ANKRD33B: variants seen among roughly 807,000 people sequenced by gnomAD.
ANKRD33B encodes ankyrin repeat domain 33B, also known as ankyrin repeat domain-containing protein 33B.
A neutral mutation model predicts 21.5 loss-of-function variants in ANKRD33B; 6 were observed. That is an observed-to-expected ratio of 0.28 (90% CI 0.15 to 0.55). ANKRD33B has a LOEUF of 0.55. Among genes scored for constraint, ANKRD33B ranks in the 20% least tolerant of loss-of-function variants. ANKRD33B has a pLI of 0.94. For missense variants in ANKRD33B, 698 were observed against 747.2 expected, an observed-to-expected ratio of 0.93 and a Z score of 0.77; for synonymous variants, 347 against 342.4, an observed-to-expected ratio of 1.01 and a Z score of -0.15.
Position 10,649,476 on chromosome 5 carries a change from T to C in ANKRD33B, c.848T>C (p.Leu283Pro). The C allele has an allele frequency of 1.3e-6, 2 of 1,535,212 alleles. No individual in the cohort carries two copies. The highest frequency in any genetic ancestry group is 1.7e-6 in the Non-Finnish European group (2 of 1,146,410). Residue 283 changes from leucine (L) to proline (P), a missense_variant, in exon 4 of 4, where the codon CTC (leucine) becomes CCC (proline). This residue lies in a region of ANKRD33B where 543 missense variants were observed against 566.5 expected (regional missense o/e 0.96). Coordinates refer to ENST00000296657, the MANE Select transcript of ANKRD33B (RefSeq NM_001164440.2). ...PAGSKNCLQR[L>P]TDCVLSVLTP... ...GGCTCCAAGAACTGCCTGCAGAGGCTCACAGACTGCGTGCTGTCCGTGCTG... is the reference window on the plus strand; with the variant it reads ...GGCTCCAAGAACTGCCTGCAGAGGCCCACAGACTGCGTGCTGTCCGTGCTG...
chr5:10,617,731 C>T (rs897051272), intron 1 of ANKRD33B, among the ~76,000 whole-genome samples: 2 of 152,192 alleles, frequency 1.3e-5, no homozygotes, highest in Non-Finnish European at 2.9e-5. Flanking sequence ...CCTCCTGGAC[C>T]CGGGTTACTC....
intron 1 of ANKRD33B, among the ~76,000 whole-genome samples, chr5:10,608,798 A>T (rs1358272427): frequency 6.6e-6 from 1 of 152,244 alleles, no homozygotes; most frequent in East Asian, 1.9e-4. Flanking sequence ...GACTGCATCG[A>T]AACGTAAAAC....
At chr5:10,566,606 T>A (rs147723880) in intron 1 of ANKRD33B, among the ~76,000 whole-genome samples, 1 of 152,196 alleles carries the variant, frequency 6.6e-6, no homozygotes, top group East Asian at 1.9e-4. Context: ...CTTTATATAA[T>A]GTTTCCTTTA....
chr5:10,598,809 T>G (rs925492873), intron 1 of ANKRD33B, among the ~76,000 whole-genome samples: 1 of 152,088 alleles, frequency 6.6e-6, no homozygotes, highest in African/African-American at 2.4e-5. Flanking sequence ...TCCCAACACT[T>G]TGGGAGGCTG....
chr5:10,594,367 GCCA>G (rs1278722290), intron 1 of ANKRD33B, among the ~76,000 whole-genome samples: 1 of 151,702 alleles, frequency 6.6e-6, no homozygotes, highest in Non-Finnish European at 1.5e-5. Flanking sequence ...ACAGGCATGC[GCCA>G]CCACGCCCGG....
intron 3 of ANKRD33B, among the ~76,000 whole-genome samples, chr5:10,643,923 A>G (rs558410117): frequency 3.8e-4 from 58 of 151,124 alleles, no homozygotes; most frequent in Non-Finnish European, 7.5e-4. Flanking sequence ...GAATATTTTC[A>G]TCTTCTACTA....
intron 1 of ANKRD33B, among the ~76,000 whole-genome samples, chr5:10,610,401 G>GCCCCCCC (rs200203509): frequency 1.4e-5 from 2 of 146,488 alleles, no homozygotes; most frequent in African/African-American, 5.1e-5. Flanking sequence ...ACAGGGGACA[G>GCCCCCCC]CCCCCCCCCC....
intron 1 of ANKRD33B, among the ~76,000 whole-genome samples, chr5:10,583,931 T>G (rs1438433824): frequency 1.3e-5 from 2 of 152,194 alleles, no homozygotes; most frequent in Non-Finnish European, 2.9e-5. Flanking sequence ...TTTAAAAGTG[T>G]AATCTGAGGA....
intron 1 of ANKRD33B, among the ~76,000 whole-genome samples, chr5:10,600,957 T>TA (rs11400350): frequency 0.31 from 46,253 of 150,948 alleles, 7,471 homozygotes; most frequent in Admixed American, 0.47. Context: ...TTTTGTACAT[T>TA]AAAAAAAAAT....
At position 10,649,747 on chromosome 5, in the gene ANKRD33B, G is replaced by A. The variant is rs749648753; in HGVS notation, c.1119G>A (p.Gln373=). 8.9e-6 allele frequency: 13 copies of A among 1,456,582 alleles called. No homozygotes were observed. The highest frequency in any genetic ancestry group is 2.9e-5 in the African/African-American group (2 of 68,388). The allele number at this position is 1,456,582 out of a possible 1,614,324, so 90.2% of individuals were successfully genotyped here. A position where few individuals can be genotyped will look rare whatever the true frequency, so the allele number is the denominator to read the frequency against. ...GGAGQRGRTG[Q]EDADSREGSP... ...CGGGGCAGCGCGGGCGGACCGGACAGGAGGACGCGGACTCCCGGGAGGGCT... is the reference window on the plus strand; with the variant it reads ...CGGGGCAGCGCGGGCGGACCGGACAAGAGGACGCGGACTCCCGGGAGGGCT... Residue 373 remains glutamine (Q), a synonymous_variant, in exon 4 of 4, where the codon CAG becomes CAA. Transcript: ENST00000296657.
chr5:10,587,426 T>C (rs1181412420), intron 1 of ANKRD33B, among the ~76,000 whole-genome samples: 1 of 152,158 alleles, frequency 6.6e-6, no homozygotes, highest in Non-Finnish European at 1.5e-5. Flanking sequence ...TAAAGATCTT[T>C]CTGAGTAGAG....
chr5:10,569,020 T>G (rs1350377047), intron 1 of ANKRD33B, among the ~76,000 whole-genome samples: 1 of 152,208 alleles, frequency 6.6e-6, no homozygotes, highest in Non-Finnish European at 1.5e-5. Context: ...GGCTTTATCT[T>G]GAAATGTATG....
chr5:10,566,501 T>A (rs1448007898), intron 1 of ANKRD33B, among the ~76,000 whole-genome samples: 1 of 152,204 alleles, frequency 6.6e-6, no homozygotes, highest in Non-Finnish European at 1.5e-5. Context: ...CCTCTCCCCC[T>A]GTCCTGGGCA....
rs1017500173 is a variant in ANKRD33B at position 10,657,801 on chromosome 5, C to G, written c.*7688C>G. ...GAATTGTGGCTAAAGAATAAAAAATCACTTGTTAAAACGCATTCTTATGGT... is the reference window on the plus strand; with the variant it reads ...GAATTGTGGCTAAAGAATAAAAAATGACTTGTTAAAACGCATTCTTATGGT... On this transcript the variant is annotated 3_prime_UTR_variant, in exon 4 of 4. Coordinates refer to ENST00000296657, the MANE Select transcript of ANKRD33B (RefSeq NM_001164440.2). 6.6e-6 allele frequency: 1 copy of G among 152,202 alleles called. No individual in the cohort carries two copies. Among genetic ancestry groups the G allele is most frequent in the Non-Finnish European group, 1.5e-5 (1 of 68,002 alleles). 9.4% of individuals were successfully genotyped at this position (152,202 alleles called of 1,614,324 possible).
chr5:10,598,530 G>C (rs1735865185), intron 1 of ANKRD33B, among the ~76,000 whole-genome samples: 1 of 152,178 alleles, frequency 6.6e-6, no homozygotes, highest in African/African-American at 2.4e-5. Context: ...GCCTCCCAAA[G>C]TGCTGGGATT....
chr5:10,579,094 G>A (rs1056783449), intron 1 of ANKRD33B, among the ~76,000 whole-genome samples: 1 of 150,258 alleles, frequency 6.7e-6, no homozygotes, highest in Admixed American at 6.7e-5. Flanking sequence ...AGCCCAGGAA[G>A]TCAAGGCTGC....
chr5:10,601,633 A>G (rs1235909254), intron 1 of ANKRD33B, among the ~76,000 whole-genome samples: 2 of 152,256 alleles, frequency 1.3e-5, no homozygotes, highest in Admixed American at 1.3e-4. Context: ...ACACACAGCC[A>G]GGGACCAGTA....
chr5:10,602,234 T>G (rs1296055756), intron 1 of ANKRD33B, among the ~76,000 whole-genome samples: 1 of 152,216 alleles, frequency 6.6e-6, no homozygotes, highest in Non-Finnish European at 1.5e-5. Flanking sequence ...ATGCTCACAC[T>G]TTAGGTCCTG....
At chr5:10,593,402 A>G (rs1264889392) in intron 1 of ANKRD33B, among the ~76,000 whole-genome samples, 1 of 152,190 alleles carries the variant, frequency 6.6e-6, no homozygotes, top group East Asian at 1.9e-4. Context: ...ATGACAGAAT[A>G]CTTTCCTCCC....
Sources: allele counts gnomAD v4.1 joint callset (sites outside exome capture counted in the v4.1 genomes callset), GRCh38; gene constraint gnomAD v4.1.1; regional missense constraint gnomAD v4.1.1; transcripts MANE v1.5; gene names NCBI Gene and HGNC (gene_info 2026-07-23, HGNC 2026-07-21).